SCEL: variants seen among roughly 807,000 people sequenced by gnomAD.
SCEL encodes sciellin.
Under a neutral mutation model 117.6 loss-of-function variants are expected in SCEL, and 113 were observed. The ratio of observed to expected loss-of-function variants is 0.96; its 90% CI spans 0.83 to 1.12. The LOEUF is 1.12. SCEL is among the 50% of genes most tolerant of loss of function. The probability of loss-of-function intolerance (pLI) is 0.00; values close to 1 mark genes in which losing one functional copy is unlikely to be tolerated. For missense variants in SCEL, 785 were observed against 810.8 expected, an observed-to-expected ratio of 0.97 and a Z score of 0.39; for synonymous variants, 270 against 256.2, an observed-to-expected ratio of 1.05 and a Z score of -0.51.
chr13:77,556,447 T>C, intron 2 of SCEL, 149 bp from the exon 3 acceptor site: 1 of 666,230 alleles, frequency 1.5e-6, no homozygotes, highest in East Asian at 2.5e-5. Context: ...TCTTTCTTGC[T>C]GGTGCATCCT....
intron 1 of SCEL, among the ~76,000 whole-genome samples, chr13:77,543,806 A>G (rs1326435163): frequency 6.6e-6 from 1 of 152,118 alleles, no homozygotes; most frequent in Non-Finnish European, 1.5e-5. Flanking sequence ...TTTTTAGTCG[A>G]GTAAATTTCT....
Position 77,644,370 on chromosome 13 carries a change from T to A in SCEL, c.*96T>A. 8.2e-7 allele frequency: 1 copy of A among 1,224,190 alleles called. No individual in the cohort carries two copies. Among genetic ancestry groups the A allele is most frequent in the Non-Finnish European group, 1.2e-6 (1 of 845,134 alleles). 75.8% of individuals were successfully genotyped at this position (1,224,190 alleles called of 1,614,324 possible). A position where few individuals can be genotyped will look rare whatever the true frequency, so the allele number is the denominator to read the frequency against. On this transcript the variant is annotated 3_prime_UTR_variant, in exon 33 of 33. Coordinates refer to ENST00000349847, the MANE Select transcript of SCEL (RefSeq NM_144777.3). ...TATGTAATCTAGAAAAGCTTTCACA[T>A]TGAAGATCAACTCTTGTACAAAATT...
chr13:77,600,776 T>A (rs1274297249), intron 15 of SCEL, among the ~76,000 whole-genome samples: 1 of 152,214 alleles, frequency 6.6e-6, no homozygotes, highest in African/African-American at 2.4e-5. Flanking sequence ...ATCTCTACTA[T>A]TTTTGCCTTC....
intron 12 of SCEL, among the ~76,000 whole-genome samples, chr13:77,596,687 A>AGG (rs1156479506): frequency 4.1e-5 from 3 of 73,448 alleles, no homozygotes; most frequent in Non-Finnish European, 9.2e-5. Flanking sequence ...AGGTGGGGCA[A>AGG]GGTGTGTGTG....
rs578029215 is a variant in SCEL, at chr13:77,634,534, G to C, written c.1763+84G>C. 85 of 947,716 alleles carry C rather than the reference G, an allele frequency of 9.0e-5. No homozygotes were observed. In the South Asian group the frequency reaches 1.1e-3, roughly 12 times the overall value. The allele number at this position is 947,716 out of a possible 1,614,324, so 58.7% of individuals were successfully genotyped here. A position where few individuals can be genotyped will look rare whatever the true frequency, so the allele number is the denominator to read the frequency against. On this transcript the variant is annotated intron_variant, in intron 29 of 32. Transcript: ENST00000349847. ...TTTAATAAGAGATGCTATTGTTTTA[G>C]AGTGTGCTTCTTTCAAATAGAAGAC...
At chr13:77,604,550 C>A (rs1389636767) in intron 19 of SCEL, 135 bp downstream of exon 19, 4 of 615,346 alleles carry the variant, frequency 6.5e-6, no homozygotes, top group Non-Finnish European at 1.1e-5. Context: ...CTAAACACTT[C>A]ATAGTAAGTA....
At chr13:77,580,679 A>G (rs2086217615) in intron 9 of SCEL, among the ~76,000 whole-genome samples, 1 of 152,246 alleles carries the variant, frequency 6.6e-6, no homozygotes, top group Non-Finnish European at 1.5e-5. Flanking sequence ...ATATTTATGA[A>G]TGTTATTCAT....
At position 77,618,353 on chromosome 13, in the gene SCEL, T is replaced by A. The variant is rs531486656; in HGVS notation, c.1628+293T>A. ...GCACCATCATGCCCAGCAAATTTTT[T>A]AAAATTTTTTTTAGAGATGGGGTCT... On this transcript the variant is annotated intron_variant, in intron 27 of 32. Transcript: ENST00000349847. 2.8e-4 allele frequency among the ~76,000 whole-genome samples: 42 copies of A among 152,074 alleles called. No individual in the cohort carries two copies. In the South Asian group the frequency reaches 2.9e-3, roughly 11 times the overall value.
rs191284194 is a variant in SCEL, at chr13:77,617,870, T to A, written c.1571+8T>A. The A allele has an allele frequency of 5.1e-5, 82 of 1,603,936 alleles. 1 individual carries two copies. In the East Asian group the frequency reaches 1.7e-3, roughly 34 times the overall value. On this transcript the variant is annotated splice_region_variant and intron_variant, in intron 26 of 32. Coordinates refer to ENST00000349847, the MANE Select transcript of SCEL (RefSeq NM_144777.3). Reference sequence around the variant, plus strand: ...AATCAGAAACAATCAGAGGTATATATAGAAGCAGTCAATTCATGTTTTTAT... The same window carrying A: ...AATCAGAAACAATCAGAGGTATATAAAGAAGCAGTCAATTCATGTTTTTAT...
rs150057585 is a variant in SCEL, at chr13:77,559,901, C to T, written c.221+38C>T. ...ACATGTTACATCATGAGCAGAAACA[C>T]AAAGATGGTAGTTTTCAGAGAAGAC... On this transcript the variant is annotated intron_variant, in intron 4 of 32. Coordinates refer to ENST00000349847, the MANE Select transcript of SCEL (RefSeq NM_144777.3). 3 of 1,544,904 alleles carry T rather than the reference C, an allele frequency of 1.9e-6. No homozygotes were observed. The South Asian group carries it at 3.4e-5, about 17-fold the overall frequency.
At chr13:77,592,561 C>CTT (rs1247523270) in intron 11 of SCEL, among the ~76,000 whole-genome samples, 21 of 133,432 alleles carry the variant, frequency 1.6e-4, no homozygotes, top group African/African-American at 3.4e-4. Flanking sequence ...TCTTCTTCTT[C>CTT]CTTTTTTTTT....
intron 12 of SCEL, among the ~76,000 whole-genome samples, chr13:77,596,038 CA>C (rs1358449266): frequency 6.6e-6 from 1 of 152,130 alleles, no homozygotes; most frequent in East Asian, 1.9e-4. Context: ...ATAAGTATAG[CA>C]AGCATTTACT....
chr13:77,637,280 G>T (rs1482851310), intron 30 of SCEL, 86 bp downstream of exon 30: 2 of 263,906 alleles, frequency 7.6e-6, no homozygotes, highest in East Asian at 7.1e-5. Flanking sequence ...ACACACACAG[G>T]CACACACACA....
In SCEL at chr13:77,609,086, G is replaced by T. The variant is rs373515892; in HGVS notation, c.1246G>T (p.Val416Leu). Residue 416 changes from valine (V) to leucine (L), a missense_variant, in exon 21 of 33, where the codon GTG (valine) becomes TTG (leucine). Coordinates refer to ENST00000349847, the MANE Select transcript of SCEL (RefSeq NM_144777.3). ...GSKDLNNFIK[V>L]YPGTEKSTEG... Reference sequence around the variant, plus strand: ...CAAAGACCTTAATAACTTCATCAAAGTGTATCCAGGAACAGAAAAAAGTAC... The same window carrying T: ...CAAAGACCTTAATAACTTCATCAAATTGTATCCAGGAACAGAAAAAAGTAC... 1.9e-6 allele frequency: 3 copies of T among 1,595,650 alleles called. No individual in the cohort carries two copies. The highest frequency in any genetic ancestry group is 2.6e-6 in the Non-Finnish European group (3 of 1,175,330).
intron 4 of SCEL, 118 bp downstream of exon 4, chr13:77,559,981 G>T: frequency 1.2e-6 from 1 of 852,876 alleles, no homozygotes. Context: ...CCGATGTTCT[G>T]GGCATGTGAA....
chr13:77,555,736 G>T lies in SCEL; in HGVS notation c.-19-121G>T, dbSNP rs2084618660. 8.9e-6 allele frequency: 6 copies of T among 674,934 alleles called. No individual in the cohort carries two copies. Among genetic ancestry groups the T allele is most frequent in the South Asian group, 1.9e-5 (1 of 52,490 alleles). 41.8% of individuals were successfully genotyped at this position (674,934 alleles called of 1,614,324 possible). A position where few individuals can be genotyped will look rare whatever the true frequency, so the allele number is the denominator to read the frequency against. ...TAGGGGCACTTTATGTCATGCATTTGTTATGACAGATCCTGTGACTATGTC... is the reference window on the plus strand; with the variant it reads ...TAGGGGCACTTTATGTCATGCATTTTTTATGACAGATCCTGTGACTATGTC... On this transcript the variant is annotated intron_variant, in intron 1 of 32. Coordinates refer to ENST00000349847, the MANE Select transcript of SCEL (RefSeq NM_144777.3).
At chr13:77,634,749 A>C (rs1043015324) in intron 29 of SCEL, among the ~76,000 whole-genome samples, 1 of 152,226 alleles carries the variant, frequency 6.6e-6, no homozygotes, top group Non-Finnish European at 1.5e-5. Flanking sequence ...GGTTAAAATA[A>C]GCTTTATAAA....
intron 30 of SCEL, among the ~76,000 whole-genome samples, 169 bp downstream of exon 30, chr13:77,637,363 TACATATATAA>T (rs1244046981): frequency 7.0e-6 from 1 of 142,532 alleles, no homozygotes; most frequent in Non-Finnish European, 1.5e-5. Context: ...TAAACATATA[TACATATATAA>T]ACATATATAC....
intron 1 of SCEL, among the ~76,000 whole-genome samples, chr13:77,552,046 A>T (rs1450785525): frequency 6.6e-6 from 1 of 151,970 alleles, no homozygotes; most frequent in Non-Finnish European, 1.5e-5. Context: ...ATGGCTGCAT[A>T]GTATTCCATG....
Sources: gnomAD v4.1 joint callset for allele counts (sites outside exome capture counted in the v4.1 genomes callset) on GRCh38, gnomAD v4.1.1 for gene constraint, MANE v1.5 for transcripts, NCBI Gene and HGNC (gene_info 2026-07-23, HGNC 2026-07-21) for gene names.